Variants in NUAK1 observed in about 807,000 individuals in gnomAD.
NUAK1 encodes NUAK family kinase 1, also known as NUAK family SNF1-like kinase 1.
Under a neutral mutation model 56.9 loss-of-function variants are expected in NUAK1, and 26 were observed. That is an observed-to-expected ratio of 0.46 (90% CI 0.33 to 0.63). The LOEUF (loss-of-function observed/expected upper bound fraction) is 0.63. Among genes scored for constraint, NUAK1 ranks in the 30% least tolerant of loss-of-function variants. The pLI is 0.02. For missense variants in NUAK1, 727 were observed against 876.1 expected, an observed-to-expected ratio of 0.83 and a Z score of 2.15; for synonymous variants, 337 against 336.0, an observed-to-expected ratio of 1.00 and a Z score of -0.03.
intron 4 of NUAK1, among the ~76,000 whole-genome samples, chr12:106,073,653 A>G (rs551196853): frequency 6.6e-6 from 1 of 152,272 alleles, no homozygotes; most frequent in African/African-American, 2.4e-5. Context: ...CCCCGTCTCT[A>G]CTAAAAATAC....
chr12:106,138,922 G>A lies in NUAK1; in HGVS notation c.-269C>T, dbSNP rs2033158491. The A allele has an allele frequency of 2.8e-6, 1 of 358,792 alleles. No individual in the cohort carries two copies. Among genetic ancestry groups the A allele is most frequent in the East Asian group, 4.7e-5 (1 of 21,232 alleles). The allele number at this position is 358,792 out of a possible 1,614,324, so 22.2% of individuals were successfully genotyped here. A position where few individuals can be genotyped will look rare whatever the true frequency, so the allele number is the denominator to read the frequency against. ...CGAGGTGGCGGCGGTGGCAGGGGAG[G>A]CGGTGGTGTTTGCAGGAGGGAGGGG... On this transcript the variant is annotated 5_prime_UTR_variant, in exon 1 of 7. Transcript: ENST00000261402. The surrounding 1 kb of genome is among the most constrained non-coding windows in gnomAD (Gnocchi z 5.0).
chr12:106,071,318 T>C (rs2032405285), intron 5 of NUAK1, among the ~76,000 whole-genome samples: 1 of 152,192 alleles, frequency 6.6e-6, no homozygotes, highest in Admixed American at 6.5e-5. Flanking sequence ...TGCGGGGCTC[T>C]TCATTCCTAA....
At chr12:106,104,395 T>C (rs988748384) in intron 2 of NUAK1, among the ~76,000 whole-genome samples, 1 of 152,206 alleles carries the variant, frequency 6.6e-6, no homozygotes, top group Admixed American at 6.5e-5. Context: ...GGGATCTATG[T>C]TGCTTCTTGA....
At chr12:106,082,149 C>T (rs1003905995) in intron 4 of NUAK1, among the ~76,000 whole-genome samples, 1 of 152,198 alleles carries the variant, frequency 6.6e-6, no homozygotes, top group Non-Finnish European at 1.5e-5. Context: ...GGACTGGGCA[C>T]AGGGCATTGC....
chr12:106,070,745 C>T, intron 6 of NUAK1, 29 bp downstream of exon 6: 1 of 1,613,888 alleles, frequency 6.2e-7, no homozygotes, highest in Non-Finnish European at 8.5e-7. Context: ...TCCCCTCCAC[C>T]TCTGACCCTC....
intron 2 of NUAK1, among the ~76,000 whole-genome samples, chr12:106,098,662 G>A (rs1340780080): frequency 2.0e-5 from 3 of 152,068 alleles, no homozygotes; most frequent in Non-Finnish European, 4.4e-5. Context: ...GTCACAGGCC[G>A]AATCTCCCCC....
In NUAK1 at chr12:106,106,547, T is replaced by G. The variant is rs1323987069; in HGVS notation, c.241-22A>C. ...CAACCTATAAAGTCAGGAAATGAAA[T>G]GTTATTCAGAGAGCTAAACAGATGC... On this transcript the variant is annotated intron_variant, in intron 1 of 6. Coordinates refer to ENST00000261402, the MANE Select transcript of NUAK1 (RefSeq NM_014840.3). The G allele has an allele frequency of 4.4e-6, 7 of 1,607,572 alleles. 1 individual carries two copies. In the South Asian group the frequency reaches 7.8e-5, roughly 18 times the overall value.
chr12:106,084,815 G>C (rs936706861), intron 3 of NUAK1, among the ~76,000 whole-genome samples: 1 of 152,168 alleles, frequency 6.6e-6, no homozygotes, highest in African/African-American at 2.4e-5. Context: ...GCTATTTTGG[G>C]GTGAGTGGAC....
intron 3 of NUAK1, among the ~76,000 whole-genome samples, chr12:106,085,770 C>T (rs903874309): frequency 6.6e-6 from 1 of 152,126 alleles, no homozygotes; most frequent in Non-Finnish European, 1.5e-5. Context: ...GCAGTGGCAC[C>T]ATCATAGCTC....
chr12:106,101,160 G>T (rs2032743302), intron 2 of NUAK1, among the ~76,000 whole-genome samples: 3 of 152,196 alleles, frequency 2.0e-5, no homozygotes, highest in African/African-American at 7.2e-5. Context: ...ACGCCCCCAG[G>T]TTGCAGCAGG....
chr12:106,092,059 T>C (rs2032640922), intron 2 of NUAK1, among the ~76,000 whole-genome samples: 1 of 151,698 alleles, frequency 6.6e-6, no homozygotes, highest in South Asian at 2.1e-4. Flanking sequence ...AATAAATAAA[T>C]AGGGCACCAG....
At chr12:106,122,148 G>C (rs2032984106) in intron 1 of NUAK1, among the ~76,000 whole-genome samples, 1 of 152,158 alleles carries the variant, frequency 6.6e-6, no homozygotes, top group Non-Finnish European at 1.5e-5. Flanking sequence ...GGGGGCAGGG[G>C]TGGATATTTG....
intron 4 of NUAK1, among the ~76,000 whole-genome samples, chr12:106,073,271 G>A (rs191482422): frequency 6.6e-6 from 1 of 152,066 alleles, no homozygotes; most frequent in African/African-American, 2.4e-5. Flanking sequence ...CTGCATCTGC[G>A]GTGGTGTGCA....
At chr12:106,072,423 A>G (rs1281589423) in intron 5 of NUAK1, among the ~76,000 whole-genome samples, 2 of 151,960 alleles carry the variant, frequency 1.3e-5, no homozygotes, top group African/African-American at 4.8e-5. Flanking sequence ...CTTGATCTCA[A>G]TTATTTTTGA....
At chr12:106,100,950 A>G (rs1241620172) in intron 2 of NUAK1, among the ~76,000 whole-genome samples, 1 of 152,216 alleles carries the variant, frequency 6.6e-6, no homozygotes, top group African/African-American at 2.4e-5. Flanking sequence ...CCAAATAGCC[A>G]CTTTGGTGCC....
intron 2 of NUAK1, among the ~76,000 whole-genome samples, chr12:106,092,842 C>G (rs536754869): frequency 1.1e-4 from 17 of 152,304 alleles, no homozygotes; most frequent in African/African-American, 2.4e-4. Flanking sequence ...CTCTCCACCC[C>G]CTTCCTCCAT....
At chr12:106,129,917 G>A (rs1231856190) in intron 1 of NUAK1, among the ~76,000 whole-genome samples, 2 of 152,142 alleles carry the variant, frequency 1.3e-5, no homozygotes, top group African/African-American at 4.8e-5. Flanking sequence ...TAGCAGGACA[G>A]AATTTGAACC....
chr12:106,138,416 C>A lies in NUAK1; in HGVS notation c.238G>T (p.Val80Leu). Residue 80 changes from valine (V) to leucine (L), a missense_variant and splice_region_variant, in exon 1 of 7, where the codon GTG (valine) becomes TTG (leucine). By Grantham distance (32) the Val-to-Leu change is conservative (BLOSUM62 1). Coordinates refer to ENST00000261402, the MANE Select transcript of NUAK1 (RefSeq NM_014840.3). The surrounding 1 kb of genome is among the most constrained non-coding windows in gnomAD (Gnocchi z 5.0). ...CCCTCCAGGATTGCCCCACTCACCA[C>A]TCGGCCAGAAAACCTCTCGGTGGCC... is the stretch of plus-strand genomic sequence containing the variant. The part of the protein sequence containing the change: ...KRATERFSGR[V>L]VAIKSIRKDK... 2 of 1,607,004 alleles carry A rather than the reference C, an allele frequency of 1.2e-6. No individual in the cohort carries two copies. The highest frequency in any genetic ancestry group is 1.7e-6 in the Non-Finnish European group (2 of 1,177,352).
At chr12:106,086,684 T>C (rs770760075) in intron 3 of NUAK1, 50 bp downstream of exon 3, 45 of 1,564,572 alleles carry the variant, frequency 2.9e-5, no homozygotes, top group Non-Finnish European at 2.0e-5. Context: ...AATCATGCAG[T>C]GCCATAAAAA....
Sources: gnomAD v4.1 joint callset for allele counts (sites outside exome capture counted in the v4.1 genomes callset) on GRCh38, gnomAD v4.1.1 for gene constraint, Gnocchi (gnomAD v3.1) non-coding constraint, MANE v1.5 for transcripts, NCBI Gene and HGNC (gene_info 2026-07-23, HGNC 2026-07-21) for gene names.